The following MYLK4 variants were observed in gnomAD, a reference collection of about 807,000 sequenced individuals.
The protein encoded by MYLK4 is caMLCK like.
MYLK4 carries 46 observed loss-of-function variants against 48.1 expected under a neutral mutation model. That is an observed-to-expected ratio of 0.96 (90% CI 0.75 to 1.22). The LOEUF (loss-of-function observed/expected upper bound fraction) is 1.22, where lower values mean the gene tolerates loss of function less well. Among genes scored for constraint, MYLK4 ranks in the 50% most tolerant of loss-of-function variants. MYLK4 has a pLI of 0.00. For synonymous variants in MYLK4, 170 were observed against 180.8 expected (o/e 0.94, Z 0.48); for missense variants, 451 against 486.1 (o/e 0.93, Z 0.68).
chr6:2,697,680 A>G (rs1354114444), intron 2 of MYLK4, among the ~76,000 whole-genome samples: 2 of 152,208 alleles, frequency 1.3e-5, no homozygotes, highest in African/African-American at 4.8e-5. Flanking sequence ...TAAAAAATCA[A>G]TGGTAAAACG....
At chr6:2,743,316 G>A (rs9503293) in intron 2 of MYLK4, among the ~76,000 whole-genome samples, 3,988 of 152,244 alleles carry the variant, frequency 0.026, 174 homozygotes, top group African/African-American at 0.092. Context: ...TATGTGCAAA[G>A]AGCTGTCTTC....
chr6:2,682,996 C>T, intron 7 of MYLK4, 25 bp downstream of exon 7: 1 of 1,614,148 alleles, frequency 6.2e-7, no homozygotes, highest in South Asian at 1.1e-5. Flanking sequence ...GGGCTTACGT[C>T]TCACAGGATA....
At position 2,664,330 on chromosome 6, in the gene MYLK4, G is replaced by A. The variant is rs1322007102; in HGVS notation, c.*3595C>T. 1 of 152,238 alleles carries A rather than the reference G, an allele frequency of 6.6e-6. No individual in the cohort carries two copies. The highest frequency in any genetic ancestry group is 2.4e-5 in the African/African-American group (1 of 41,456). 9.4% of individuals were successfully genotyped at this position (152,238 alleles called of 1,614,324 possible). ...CCGTGGTGATGCTGCAGCACACAGG[G>A]ATGACAGGACGGCCAGGGGACAGGA... On this transcript the variant is annotated 3_prime_UTR_variant, in exon 13 of 13. Transcript: ENST00000274643.
At chr6:2,705,705 A>C (rs1170019705) in intron 2 of MYLK4, among the ~76,000 whole-genome samples, 3 of 152,200 alleles carry the variant, frequency 2.0e-5, no homozygotes, top group Non-Finnish European at 4.4e-5. Context: ...ATCTGAAAAA[A>C]CAACTTAGAT....
chr6:2,765,491 G>A, the MYLK4 span: 3 of 1,176,030 alleles, frequency 2.6e-6, no homozygotes, highest in Admixed American at 8.9e-5. Flanking sequence ...GCCCTCCTCC[G>A]GCCCGCGAGC....
intron 2 of MYLK4, among the ~76,000 whole-genome samples, chr6:2,723,753 C>A (rs554267930): frequency 6.6e-6 from 1 of 152,356 alleles, no homozygotes; most frequent in Admixed American, 6.5e-5. Context: ...ATTAGGTTGG[C>A]AGCACTTTGG....
At chr6:2,677,472 A>G (rs1761122858) in intron 10 of MYLK4, among the ~76,000 whole-genome samples, 1 of 152,216 alleles carries the variant, frequency 6.6e-6, no homozygotes, top group Non-Finnish European at 1.5e-5. Flanking sequence ...CAATCATTAT[A>G]CGGCTCAGGT....
In MYLK4 at chr6:2,685,531, A is replaced by G; in HGVS notation, c.387T>C (p.Gly129=). 2.5e-6 allele frequency: 4 copies of G among 1,614,072 alleles called. No homozygotes were observed. Among genetic ancestry groups the G allele is most frequent in the Non-Finnish European group, 3.4e-6 (4 of 1,180,010 alleles). The change falls in exon 5 of 13, where the codon GGT becomes GGC. Residue 129 remains glycine (G), a synonymous_variant. Transcript: ENST00000274643. The surrounding 1 kb of genome is among the most constrained non-coding windows in gnomAD (Gnocchi z 4.5). ...TGATGATTTTGGCTGCCAGCTTCAG[A>G]CCTGTGGCCGTCTCCTCACACTTGT... The part of the protein sequence containing the change: ...QVHKCEETAT[G]LKLAAKIIKT...
At chr6:2,670,948 A>C (rs1287969218) in intron 12 of MYLK4, among the ~76,000 whole-genome samples, 1 of 151,704 alleles carries the variant, frequency 6.6e-6, no homozygotes, top group African/African-American at 2.4e-5. Context: ...CTACCCCTAG[A>C]CGGTTACCAG....
intron 2 of MYLK4, among the ~76,000 whole-genome samples, chr6:2,725,005 G>C (rs1763204768): frequency 6.6e-6 from 1 of 152,146 alleles, no homozygotes; most frequent in Non-Finnish European, 1.5e-5. Context: ...AGAAAAATTA[G>C]CTGGGCATGG....
chr6:2,767,195 C>G, the MYLK4 span, among the ~76,000 whole-genome samples: 1 of 152,040 alleles, frequency 6.6e-6, no homozygotes, highest in Non-Finnish European at 1.5e-5. Context: ...TATTGTGAGT[C>G]TAGAAAGCAT....
At chr6:2,713,023 G>T (rs1468974228) in intron 2 of MYLK4, among the ~76,000 whole-genome samples, 1 of 152,184 alleles carries the variant, frequency 6.6e-6, no homozygotes, top group African/African-American at 2.4e-5. Context: ...TGGATCCAAA[G>T]ATTATTGTGA....
chr6:2,732,091 C>A (rs1240789567), intron 2 of MYLK4, among the ~76,000 whole-genome samples: 1 of 152,234 alleles, frequency 6.6e-6, no homozygotes, highest in East Asian at 1.9e-4. Flanking sequence ...AGGATCATAG[C>A]CTCTAAGACG....
At chr6:2,768,528 T>TAAA in the MYLK4 span, among the ~76,000 whole-genome samples, 8 of 152,370 alleles carry the variant, frequency 5.3e-5, no homozygotes, top group South Asian at 1.2e-3. Context: ...TTGTTGTTTT[T>TAAA]AAATGTCCTG....
intron 2 of MYLK4, among the ~76,000 whole-genome samples, chr6:2,716,164 C>T (rs1429861094): frequency 6.6e-6 from 1 of 152,172 alleles, no homozygotes; most frequent in Non-Finnish European, 1.5e-5. Flanking sequence ...AATTTCTTTC[C>T]CTCATCACCA....
chr6:2,682,609 C>A (rs775773803), intron 7 of MYLK4, among the ~76,000 whole-genome samples: 7 of 152,120 alleles, frequency 4.6e-5, no homozygotes, highest in African/African-American at 1.7e-4. Context: ...CTGAGTGACT[C>A]GAGGAGCTGC....
intron 2 of MYLK4, among the ~76,000 whole-genome samples, chr6:2,734,084 A>G (rs184820911): frequency 6.6e-6 from 1 of 152,244 alleles, no homozygotes; most frequent in Admixed American, 6.5e-5. Context: ...GAGCCAAAAA[A>G]CATGCTAAAA....
chr6:2,762,742 TTTC>T, the MYLK4 span, among the ~76,000 whole-genome samples: 2 of 151,970 alleles, frequency 1.3e-5, no homozygotes, highest in African/African-American at 4.8e-5. Flanking sequence ...CAGTGCAGAG[TTTC>T]TTCTTTCTGG....
chr6:2,699,378 A>G (rs1008489982), intron 2 of MYLK4, among the ~76,000 whole-genome samples: 2 of 131,202 alleles, frequency 1.5e-5, no homozygotes, highest in Non-Finnish European at 3.1e-5. Flanking sequence ...TGCAACCTCC[A>G]TCTCCCGAGT....
Sources: gnomAD v4.1 joint callset for allele counts (sites outside exome capture counted in the v4.1 genomes callset) on GRCh38, gnomAD v4.1.1 for gene constraint, Gnocchi (gnomAD v3.1) non-coding constraint, MANE v1.5 for transcripts, NCBI Gene and HGNC (gene_info 2026-07-23, HGNC 2026-07-21) for gene names.